The following MDGA2 variants were observed in gnomAD, a reference collection of about 807,000 sequenced individuals.
The protein encoded by MDGA2 is MAM domain containing glycosylphosphatidylinositol anchor 2.
A neutral mutation model predicts 117.8 loss-of-function variants in MDGA2; 40 were observed. The observed-to-expected ratio is 0.34, with a 90% CI of 0.26 to 0.44. The LOEUF (loss-of-function observed/expected upper bound fraction) is 0.44. Among genes scored for constraint, MDGA2 ranks in the 20% least tolerant of loss-of-function variants. The pLI, the probability that MDGA2 is intolerant of heterozygous loss-of-function variation, is 1.00. For synonymous variants in MDGA2, 452 were observed against 439.0 expected (o/e 1.03, Z -0.37); for missense variants, 1,123 against 1,250.6 (o/e 0.90, Z 1.54).
At chr14:47,218,275 A>G in intron 2 of MDGA2, 80 bp from the exon 3 acceptor site, 1 of 1,254,954 alleles carries the variant, frequency 8.0e-7, no homozygotes, top group African/African-American at 1.5e-5. Context: ...TCATTTGAAG[A>G]GTTTGCATTT....
At chr14:47,159,288 G>A (rs994400495) in intron 3 of MDGA2, among the ~76,000 whole-genome samples, 30 of 152,132 alleles carry the variant, frequency 2.0e-4, no homozygotes, top group African/African-American at 6.5e-4. Flanking sequence ...GCATGGAGGA[G>A]GAAGTACATG....
intron 1 of MDGA2, among the ~76,000 whole-genome samples, chr14:47,321,376 T>C (rs1016582947): frequency 6.6e-6 from 1 of 152,216 alleles, no homozygotes; most frequent in African/African-American, 2.4e-5. Flanking sequence ...AAAAAATAGT[T>C]CCTGCAGATT....
At chr14:46,877,155 G>A (rs1042001355) in intron 12 of MDGA2, among the ~76,000 whole-genome samples, 7 of 151,242 alleles carry the variant, frequency 4.6e-5, no homozygotes, top group Non-Finnish European at 4.4e-5. Flanking sequence ...TCAAAGAAAC[G>A]TGTAACAACG....
chr14:47,096,929 C>G lies in MDGA2; in HGVS notation c.1120G>C (p.Ala374Pro). ...LTIPAITSDDAGTYSCIANNN... is the reference protein window; with the variant it reads ...LTIPAITSDDPGTYSCIANNN... Reference sequence around the variant, plus strand: ...TTGGCAATGCAGCTGTAAGTACCAGCATCATCTGAGGTGATGGCAGGTATG... The same window carrying G: ...TTGGCAATGCAGCTGTAAGTACCAGGATCATCTGAGGTGATGGCAGGTATG... Residue 374 changes from alanine to proline, a missense_variant, in exon 6 of 17, where the codon GCT (alanine) becomes CCT (proline). By Grantham distance (27) the Ala-to-Pro change is conservative. Coordinates refer to ENST00000399232, the MANE Select transcript of MDGA2 (RefSeq NM_001113498.3). 1 of 1,613,340 alleles carries G rather than the reference C, an allele frequency of 6.2e-7. No individual in the cohort carries two copies. The highest frequency in any genetic ancestry group is 1.7e-4 in the Middle Eastern group (1 of 6,060).
intron 6 of MDGA2, among the ~76,000 whole-genome samples, chr14:47,063,768 A>G (rs1422179836): frequency 2.0e-5 from 3 of 152,012 alleles, no homozygotes; most frequent in Non-Finnish European, 2.9e-5. Context: ...ATTAATAACC[A>G]TATGACTAAT....
chr14:47,321,096 A>G (rs1413552799), intron 1 of MDGA2, among the ~76,000 whole-genome samples: 1 of 152,194 alleles, frequency 6.6e-6, no homozygotes, highest in Admixed American at 6.5e-5. Flanking sequence ...TTTGAAGGTG[A>G]ATGAAGGCAG....
chr14:47,410,832 C>T (rs1018682188), intron 1 of MDGA2, among the ~76,000 whole-genome samples: 1 of 152,068 alleles, frequency 6.6e-6, no homozygotes, highest in African/African-American at 2.4e-5. Context: ...TTTTACTAAT[C>T]GAATTAACAA....
chr14:47,515,508 A>T (rs764518791), intron 1 of MDGA2, among the ~76,000 whole-genome samples: 1 of 152,170 alleles, frequency 6.6e-6, no homozygotes, highest in Non-Finnish European at 1.5e-5. Context: ...ACACACTGAA[A>T]ATAGAATCAA....
intron 8 of MDGA2, among the ~76,000 whole-genome samples, chr14:47,013,772 G>GTATATATATACATATATATATATATA (rs1887979633): frequency 1.1e-5 from 1 of 93,686 alleles, no homozygotes; most frequent in African/African-American, 3.6e-5. Context: ...TAATTTCCTT[G>GTATATATATACATATATATATATATA]TATATATATA....
intron 5 of MDGA2, among the ~76,000 whole-genome samples, chr14:47,111,058 T>C (rs1204389314): frequency 6.6e-6 from 1 of 152,194 alleles, no homozygotes. Flanking sequence ...CTTGTGGAGT[T>C]TGTAATTAGG....
chr14:47,374,505 A>G (rs913794345), intron 1 of MDGA2, among the ~76,000 whole-genome samples: 10 of 152,116 alleles, frequency 6.6e-5, no homozygotes, highest in Non-Finnish European at 1.3e-4. Context: ...TAAGATTTTC[A>G]TATCTATTTT....
chr14:46,991,112 A>T (rs780785055), intron 8 of MDGA2, among the ~76,000 whole-genome samples: 11 of 152,110 alleles, frequency 7.2e-5, no homozygotes, highest in Non-Finnish European at 1.2e-4. Flanking sequence ...ATGGCCAGAC[A>T]TTTTTTATTA....
intron 2 of MDGA2, among the ~76,000 whole-genome samples, chr14:47,241,382 G>A (rs752474618): frequency 1.3e-5 from 2 of 151,702 alleles, no homozygotes; most frequent in East Asian, 1.9e-4. Context: ...TTTTCATAGG[G>A]CCAACTCCCT....
intron 1 of MDGA2, among the ~76,000 whole-genome samples, chr14:47,673,916 A>G (rs1035111800): frequency 1.3e-5 from 2 of 151,756 alleles, no homozygotes; most frequent in Non-Finnish European, 2.9e-5. Context: ...CATTCACACA[A>G]ACATGTCCCT....
chr14:47,001,730 C>T (rs1327347112), intron 8 of MDGA2, among the ~76,000 whole-genome samples: 3 of 151,962 alleles, frequency 2.0e-5, no homozygotes, highest in African/African-American at 4.8e-5. Flanking sequence ...ATGTATAATA[C>T]TCAACACTGG....
intron 2 of MDGA2, among the ~76,000 whole-genome samples, chr14:47,240,526 A>C (rs566994958): frequency 6.6e-6 from 1 of 152,012 alleles, no homozygotes; most frequent in African/African-American, 2.4e-5. Context: ...AATAACACCA[A>C]ATGTGCCTTT....
chr14:46,872,683 G>A (rs1882056759), intron 14 of MDGA2, among the ~76,000 whole-genome samples: 1 of 151,976 alleles, frequency 6.6e-6, no homozygotes, highest in Non-Finnish European at 1.5e-5. Flanking sequence ...GTTCATATCA[G>A]TTCAGGTTAT....
chr14:47,589,566 A>G (rs931021103), intron 1 of MDGA2, among the ~76,000 whole-genome samples: 2 of 151,968 alleles, frequency 1.3e-5, no homozygotes, highest in Admixed American at 1.3e-4. Context: ...TGATTACTGC[A>G]GTTTTGTAGT....
chr14:46,844,096 A>G (rs1186247107), intron 16 of MDGA2, among the ~76,000 whole-genome samples: 1 of 152,172 alleles, frequency 6.6e-6, no homozygotes, highest in African/African-American at 2.4e-5. Context: ...TCTATTATAA[A>G]ATGGACCTGT....
Sources: gnomAD v4.1 joint callset for allele counts (sites outside exome capture counted in the v4.1 genomes callset) on GRCh38, gnomAD v4.1.1 for gene constraint, MANE v1.5 for transcripts, NCBI Gene and HGNC (gene_info 2026-07-23, HGNC 2026-07-21) for gene names.